Variants in CAMK1G observed in about 807,000 individuals in gnomAD.
CAMK1G encodes calcium/calmodulin-dependent protein kinase type 1G.
CAMK1G carries 27 observed loss-of-function variants against 54.8 expected under a neutral mutation model. The observed-to-expected ratio is 0.49, with a 90% CI of 0.36 to 0.68. The LOEUF (loss-of-function observed/expected upper bound fraction) is 0.68. CAMK1G is among the 30% of genes least tolerant of loss of function. CAMK1G has a pLI of 0.00. For synonymous variants in CAMK1G, 238 were observed against 224.9 expected (o/e 1.06, Z -0.52); for missense variants, 512 against 591.0 (o/e 0.87, Z 1.39).
At chr1:209,608,280 C>G (rs924723872) in intron 7 of CAMK1G, among the ~76,000 whole-genome samples, 2 of 152,292 alleles carry the variant, frequency 1.3e-5, no homozygotes, top group Admixed American at 6.5e-5. Context: ...AAGAGAGAGG[C>G]CAAGCCAGGC....
chr1:209,600,236 A>T (rs1368042727), intron 3 of CAMK1G, 125 bp downstream of exon 3: 23 of 1,169,516 alleles, frequency 2.0e-5, no homozygotes, highest in Non-Finnish European at 2.8e-5. Context: ...GATTGAGTTG[A>T]TGGGTCAGTT....
rs543943116 is a variant in CAMK1G, at chr1:209,612,195, T to A, written c.1319T>A (p.Leu440His). Residue 440 changes from leucine (L) to histidine (H), a missense_variant, in exon 11 of 13, where the codon CTC becomes CAC. Leu to His is a moderately conservative substitution (Grantham distance 99). Coordinates refer to ENST00000361322, the MANE Select transcript of CAMK1G (RefSeq NM_020439.3). ...KSSYCSEPTL[L>H]KKANKKQNFK... ...TCCTACTGCTCTGAGCCCACACTCCTCAAAAAGGCCAACAAAAAACAGTAC... is the reference window on the plus strand; with the variant it reads ...TCCTACTGCTCTGAGCCCACACTCCACAAAAAGGCCAACAAAAAACAGTAC... 2 of 1,613,720 alleles carry A rather than the reference T, an allele frequency of 1.2e-6. No homozygotes were observed. Among genetic ancestry groups the A allele is most frequent in the East Asian group, 4.5e-5 (2 of 44,878 alleles).
rs1434496172 is a variant in CAMK1G, at chr1:209,613,068, A to C, written c.*66A>C. The C allele has an allele frequency of 5.9e-5, 32 of 543,216 alleles. No homozygotes were observed. The South Asian group carries it at 6.5e-4, about 11-fold the overall frequency. 33.6% of individuals were successfully genotyped at this position (543,216 alleles called of 1,614,324 possible). A position where few individuals can be genotyped will look rare whatever the true frequency, so the allele number is the denominator to read the frequency against. On this transcript the variant is annotated 3_prime_UTR_variant, in exon 13 of 13. Coordinates refer to ENST00000361322, the MANE Select transcript of CAMK1G (RefSeq NM_020439.3). ...ACATATTCAACTCCTCTGCTCTTCC[A>C]AACCTGGTGTCTATCCGGCAGAGGG...
chr1:209,598,394 G>C (rs1665440315), intron 2 of CAMK1G, among the ~76,000 whole-genome samples: 1 of 152,190 alleles, frequency 6.6e-6, no homozygotes, highest in Non-Finnish European at 1.5e-5. Flanking sequence ...TCTGCACTCT[G>C]TCCCATCTGC....
chr1:209,604,329 A>G (rs1267135823), intron 4 of CAMK1G, among the ~76,000 whole-genome samples: 1 of 152,190 alleles, frequency 6.6e-6, no homozygotes, highest in Non-Finnish European at 1.5e-5. Context: ...ATTAGCACAC[A>G]GTAATTCAGA....
intron 2 of CAMK1G, among the ~76,000 whole-genome samples, chr1:209,597,048 C>T (rs1665407188): frequency 1.3e-5 from 2 of 152,120 alleles, no homozygotes; most frequent in Non-Finnish European, 2.9e-5. Context: ...GAAGTTAGAG[C>T]TGAGCGAAAG....
intron 1 of CAMK1G, among the ~76,000 whole-genome samples, chr1:209,588,284 C>T (rs1048936050): frequency 2.0e-5 from 3 of 152,156 alleles, no homozygotes; most frequent in African/African-American, 7.2e-5. Flanking sequence ...AGTTTAGGAA[C>T]ACTATGATTG....
intron 6 of CAMK1G, 80 bp downstream of exon 6, chr1:209,606,523 C>T: frequency 6.6e-7 from 1 of 1,512,654 alleles, no homozygotes; most frequent in Non-Finnish European, 9.1e-7. Flanking sequence ...AGGGGTGATT[C>T]TGAGAACATA....
chr1:209,609,818 CT>C (rs1558141965), intron 8 of CAMK1G, 32 bp from the exon 9 acceptor site: 21 of 1,611,010 alleles, frequency 1.3e-5, no homozygotes, highest in Non-Finnish European at 1.8e-5. Context: ...AAATCTGGTC[CT>C]TAGTCGTCGT....
At chr1:209,591,499 G>A (rs984524628) in intron 1 of CAMK1G, among the ~76,000 whole-genome samples, 4 of 152,180 alleles carry the variant, frequency 2.6e-5, no homozygotes, top group Admixed American at 2.6e-4. Flanking sequence ...CAGCAAAAAG[G>A]GGAATGGGGA....
chr1:209,604,505 C>T (rs952599167), intron 4 of CAMK1G, among the ~76,000 whole-genome samples: 17 of 152,226 alleles, frequency 1.1e-4, no homozygotes, highest in African/African-American at 4.1e-4. Context: ...GCGCCCAAAG[C>T]CTAAAGACCA....
Position 209,612,187 on chromosome 1 carries a change from C to G in CAMK1G, c.1311C>G (p.Pro437=), listed in dbSNP as rs767074629. ...SKGKSSYCSE[P]TLLKKANKKQ... ...GAAAGTCCTCCTACTGCTCTGAGCC[C>G]ACACTCCTCAAAAAGGCCAACAAAA... The change falls in exon 11 of 13, where the codon CCC becomes CCG. Residue 437 remains proline (P), a synonymous_variant. Coordinates refer to ENST00000361322, the MANE Select transcript of CAMK1G (RefSeq NM_020439.3). 51 of 1,614,026 alleles carry G rather than the reference C, an allele frequency of 3.2e-5. No individual in the cohort carries two copies. The highest frequency in any genetic ancestry group is 4.2e-5 in the Non-Finnish European group (50 of 1,179,974).
chr1:209,609,769 G>A (rs1245351401), intron 8 of CAMK1G, 82 bp from the exon 9 acceptor site: 1 of 1,372,988 alleles, frequency 7.3e-7, no homozygotes, highest in Non-Finnish European at 1.0e-6. Flanking sequence ...TGCATTCACT[G>A]CCACCCACCA....
intron 3 of CAMK1G, 39 bp from the exon 4 acceptor site, chr1:209,603,175 G>T: frequency 1.2e-6 from 2 of 1,609,912 alleles, no homozygotes; most frequent in South Asian, 2.2e-5. Flanking sequence ...TGTACAACCT[G>T]AACCACATAC....
intron 1 of CAMK1G, among the ~76,000 whole-genome samples, chr1:209,586,781 A>G (rs998985472): frequency 2.0e-5 from 3 of 152,068 alleles, no homozygotes; most frequent in African/African-American, 7.2e-5. Flanking sequence ...GCAGCACACT[A>G]AGAATAAGCA....
At chr1:209,585,622 C>T (rs946920131) in intron 1 of CAMK1G, among the ~76,000 whole-genome samples, 2 of 152,196 alleles carry the variant, frequency 1.3e-5, no homozygotes, top group Admixed American at 6.5e-5. Flanking sequence ...GTGCCTAGCG[C>T]GGTGCCCCAC....
chr1:209,596,028 G>C (rs1171907675), intron 2 of CAMK1G, among the ~76,000 whole-genome samples: 1 of 152,238 alleles, frequency 6.6e-6, no homozygotes, highest in Admixed American at 6.5e-5. Context: ...GTGAAGAGCA[G>C]CCAGCGGGCT....
rs192024216 is a variant in CAMK1G at position 209,587,550 on chromosome 1, T to G, written c.-30+3778T>G. Among the ~76,000 whole-genome samples the G allele has an allele frequency of 9.2e-5, 14 of 152,078 alleles. No individual in the cohort carries two copies. The East Asian group carries it at 2.7e-3, about 29-fold the overall frequency. On this transcript the variant is annotated intron_variant, in intron 1 of 12. Coordinates refer to ENST00000361322, the MANE Select transcript of CAMK1G (RefSeq NM_020439.3). ...GAAGGGGGCCAGAGGAGGTAGCAAA[T>G]CCACCCTACTCACAGAGAGTCACCC...
rs766870629 is a variant in CAMK1G, at chr1:209,612,116, G to C, written c.1240G>C (p.Gly414Arg). 5 of 1,614,052 alleles carry C rather than the reference G, an allele frequency of 3.1e-6. No homozygotes were observed. In the African/African-American group the frequency reaches 6.7e-5, roughly 22 times the overall value. Residue 414 changes from glycine to arginine, a missense_variant, in exon 11 of 13, where the codon GGG becomes CGG. This residue lies in a region of CAMK1G where 315 missense variants were observed against 330.5 expected (regional missense o/e 0.95). Transcript: ENST00000361322. The part of the protein sequence containing the change: ...VPMHQGSLAA[G>R]PCGCCSSCLN... ...CATGCATCAGGGGTCCCTGGCCGCC[G>C]GGCCCTGTGGCTGCTGCTCCAGCTG...
Sources: allele counts gnomAD v4.1 joint callset (sites outside exome capture counted in the v4.1 genomes callset), GRCh38; gene constraint gnomAD v4.1.1; regional missense constraint gnomAD v4.1.1; transcripts MANE v1.5; gene names NCBI Gene and HGNC (gene_info 2026-07-23, HGNC 2026-07-21).